The following ABHD16A variants were observed in gnomAD, a reference collection of about 807,000 sequenced individuals.
ABHD16A encodes the protein phosphatidylserine lipase ABHD16A.
ABHD16A carries 47 observed loss-of-function variants against 89.8 expected under a neutral mutation model. The observed-to-expected ratio is 0.52, with a 90% CI of 0.41 to 0.67. The LOEUF is 0.67. Ranked by LOEUF, ABHD16A falls within the 30% of genes least tolerant of loss-of-function variation. The probability of loss-of-function intolerance (pLI) is 0.00; values close to 1 mark genes in which losing one functional copy is unlikely to be tolerated. For missense variants in ABHD16A, 580 were observed against 734.6 expected (o/e 0.79, Z 2.43); for synonymous variants, 251 against 280.4 (o/e 0.90, Z 1.05).
chr6:31,689,969 G>T (rs559550140), intron 11 of ABHD16A, 109 bp downstream of exon 11: 3 of 1,302,260 alleles, frequency 2.3e-6, no homozygotes, highest in African/African-American at 3.0e-5. Flanking sequence ...GCCCTCAGGT[G>T]AGTGGGACGC....
intron 5 of ABHD16A, 97 bp downstream of exon 5, chr6:31,696,851 C>G (rs1287971429): frequency 8.1e-7 from 1 of 1,227,926 alleles, no homozygotes; most frequent in African/African-American, 1.5e-5. Flanking sequence ...TAAAACACAC[C>G]TCCTCTTCCT....
chr6:31,693,249 T>A lies in ABHD16A; in HGVS notation c.504-100A>T. On this transcript the variant is annotated intron_variant, in intron 6 of 19. Transcript: ENST00000395952. This position sits in a 1 kb window ranked among gnomAD's most constrained non-coding sequence, Gnocchi z 5.0. Reference sequence around the variant, plus strand: ...GGGGTCTAGGAACGACATAATGGCATTGGAAGGCAGGCACTGTGACCTGAG... The same window carrying A: ...GGGGTCTAGGAACGACATAATGGCAATGGAAGGCAGGCACTGTGACCTGAG... The A allele has an allele frequency of 1.3e-6, 2 of 1,586,408 alleles. No homozygotes were observed. Among genetic ancestry groups the A allele is most frequent in the Non-Finnish European group, 1.7e-6 (2 of 1,160,782 alleles).
intron 5 of ABHD16A, among the ~76,000 whole-genome samples, chr6:31,695,592 G>A (rs896041964): frequency 6.6e-6 from 1 of 151,498 alleles, no homozygotes; most frequent in African/African-American, 2.4e-5. Context: ...GCGTGGTGGC[G>A]CATGCCTGTA....
Position 31,687,601 on chromosome 6 carries a change from A to T in ABHD16A, c.1546+41T>A, listed in dbSNP as rs372698997. 36 of 1,612,656 alleles carry T rather than the reference A, an allele frequency of 2.2e-5. No homozygotes were observed. Among genetic ancestry groups the T allele is most frequent in the Non-Finnish European group, 3.1e-5 (36 of 1,179,940 alleles). On this transcript the variant is annotated intron_variant, in intron 18 of 19. Coordinates refer to ENST00000395952, the MANE Select transcript of ABHD16A (RefSeq NM_021160.3). The surrounding 1 kb of genome is among the most constrained non-coding windows in gnomAD (Gnocchi z 6.3). ...ACATCTGGGTATTCATCCCCTTCCT[A>T]GGCCCTTCCCACCCTCTCTCCTGCC...
At chr6:31,692,776 G>T in intron 7 of ABHD16A, 1 of 161,278 alleles carries the variant, frequency 6.2e-6, no homozygotes, top group Non-Finnish European at 1.2e-5. Context: ...CTCCTTTTCA[G>T]CCTCACTGAA....
Position 31,690,741 on chromosome 6 carries a change from A to G in ABHD16A, c.844-139T>C, listed in dbSNP as rs1803796031. The G allele has an allele frequency of 3.8e-5, 28 of 734,718 alleles. No individual in the cohort carries two copies. The South Asian group carries it at 3.9e-4, about 10-fold the overall frequency. 45.5% of individuals were successfully genotyped at this position (734,718 alleles called of 1,614,324 possible). A position where few individuals can be genotyped will look rare whatever the true frequency, so the allele number is the denominator to read the frequency against. On this transcript the variant is annotated intron_variant, in intron 9 of 19. Transcript: ENST00000395952. The surrounding 1 kb of genome is among the most constrained non-coding windows in gnomAD (Gnocchi z 4.1). ...TTCTGTTTTCTCCAAGGGGAATGGA[A>G]GCTTCTCATTCCACAGGGTCCATAA... is the stretch of plus-strand genomic sequence containing the variant.
Position 31,690,713 on chromosome 6 carries a change from G to A in ABHD16A, c.844-111C>T, listed in dbSNP as rs1803793661. On this transcript the variant is annotated intron_variant, in intron 9 of 19. Coordinates refer to ENST00000395952, the MANE Select transcript of ABHD16A (RefSeq NM_021160.3). The surrounding 1 kb of genome is among the most constrained non-coding windows in gnomAD (Gnocchi z 4.1). ...GCTTTGCAGGGAAGAGGAAAGGGCAGGTTTCTGTTTTCTCCAAGGGGAATG... is the reference window on the plus strand; with the variant it reads ...GCTTTGCAGGGAAGAGGAAAGGGCAAGTTTCTGTTTTCTCCAAGGGGAATG... 1.0e-6 allele frequency: 1 copy of A among 952,712 alleles called. No individual in the cohort carries two copies. Among genetic ancestry groups the A allele is most frequent in the Non-Finnish European group, 1.7e-6 (1 of 597,660 alleles). The allele number at this position is 952,712 out of a possible 1,614,324, so 59.0% of individuals were successfully genotyped here. A position where few individuals can be genotyped will look rare whatever the true frequency, so the allele number is the denominator to read the frequency against.
Position 31,703,178 on chromosome 6 carries a change from G to A in ABHD16A, c.104C>T (p.Ala35Val). The change falls in exon 1 of 20, where the codon GCA becomes GTA. Residue 35 changes from alanine to valine, a missense_variant. Physicochemically the swap from Ala to Val is moderately conservative, Grantham distance 64. Coordinates refer to ENST00000395952, the MANE Select transcript of ABHD16A (RefSeq NM_021160.3). ...APASVPETPTAVTAPHSSSWD... is the reference protein window; with the variant it reads ...APASVPETPTVVTAPHSSSWD... ...GGAGCTGGAATGGGGGGCAGTGACTGCCGTTGGCGTCTCAGGGACGCTGGC... is the reference window on the plus strand; with the variant it reads ...GGAGCTGGAATGGGGGGCAGTGACTACCGTTGGCGTCTCAGGGACGCTGGC... The A allele has an allele frequency of 7.0e-7, 1 of 1,437,102 alleles. No homozygotes were observed. The highest frequency in any genetic ancestry group is 1.5e-5 in the South Asian group (1 of 66,064). 89.0% of individuals were successfully genotyped at this position (1,437,102 alleles called of 1,614,324 possible). A position where few individuals can be genotyped will look rare whatever the true frequency, so the allele number is the denominator to read the frequency against.
At position 31,693,016 on chromosome 6, in the gene ABHD16A, C is replaced by A. The variant is rs1262873636; in HGVS notation, c.626+11G>T. On this transcript the variant is annotated intron_variant, in intron 7 of 19. Transcript: ENST00000395952. The surrounding 1 kb of genome is among the most constrained non-coding windows in gnomAD (Gnocchi z 5.0). The stretch of plus-strand genomic sequence containing the variant: ...CACCCCAGTGGGCCTCTCCTCGCTG[C>A]TGTTTCCCACCTGGTGATCTGACAA... The A allele has an allele frequency of 1.2e-6, 2 of 1,614,222 alleles. No homozygotes were observed. Among genetic ancestry groups the A allele is most frequent in the Admixed American group, 1.7e-5 (1 of 60,022 alleles).
chr6:31,696,621 G>A (rs1248231608), intron 5 of ABHD16A, among the ~76,000 whole-genome samples: 2 of 146,860 alleles, frequency 1.4e-5, no homozygotes, highest in East Asian at 2.0e-4. Flanking sequence ...CAACAAGAGC[G>A]AAACTCCATC....
rs753484381 is a variant in ABHD16A, at chr6:31,689,701, C to A, written c.961G>T (p.Val321Leu). 3.7e-6 allele frequency: 6 copies of A among 1,609,240 alleles called. No individual in the cohort carries two copies. Among genetic ancestry groups the A allele is most frequent in the South Asian group, 1.1e-5 (1 of 90,572 alleles). ...TTAGCCTCATTCTGCGGGAATGGCACCCCCTGCAGGAGAAAGGGCAAAGTC... is the reference window on the plus strand; with the variant it reads ...TTAGCCTCATTCTGCGGGAATGGCAACCCCTGCAGGAGAAAGGGCAAAGTC... ...NHPGFAGSTGVPFPQNEANAM... is the reference protein window; with the variant it reads ...NHPGFAGSTGLPFPQNEANAM... The change falls in exon 12 of 20, where the codon GTG (valine) becomes TTG (leucine). Residue 321 changes from valine (V) to leucine (L), a missense_variant. Transcript: ENST00000395952.
rs775502904 is a variant in ABHD16A, at chr6:31,687,935, T to C, written c.1371-35A>G. On this transcript the variant is annotated intron_variant, in intron 16 of 19. Transcript: ENST00000395952. The surrounding 1 kb of genome is among the most constrained non-coding windows in gnomAD (Gnocchi z 6.3). ...AAGTGCCAGGACAGGTCAGGGCTGA[T>C]TTTTTTTCATTCACCATCCCTGAAC... 4.2e-5 allele frequency: 67 copies of C among 1,612,170 alleles called. No individual in the cohort carries two copies. Among genetic ancestry groups the C allele is most frequent in the Non-Finnish European group, 5.3e-5 (62 of 1,179,758 alleles).
chr6:31,700,654 C>T (rs556776337), intron 4 of ABHD16A, among the ~76,000 whole-genome samples: 105 of 151,592 alleles, frequency 6.9e-4, no homozygotes, highest in African/African-American at 2.5e-3. Context: ...CCCAGTACTT[C>T]GGGAGGCTGA....
rs1239978889 is a variant in ABHD16A, at chr6:31,698,225, T to A, written c.344-1192A>T. Among the ~76,000 whole-genome samples the A allele has an allele frequency of 6.6e-6, 1 of 151,118 alleles. No homozygotes were observed. Among genetic ancestry groups the A allele is most frequent in the Non-Finnish European group, 1.5e-5 (1 of 67,880 alleles). Reference sequence around the variant, plus strand: ...GCAGCTTAGACTTGAGGAACTGAGGTATATGTTTCATAAAAGTATGTGCCA... The same window carrying A: ...GCAGCTTAGACTTGAGGAACTGAGGAATATGTTTCATAAAAGTATGTGCCA... On this transcript the variant is annotated intron_variant, in intron 4 of 19. Transcript: ENST00000395952. This position sits in a 1 kb window ranked among gnomAD's most constrained non-coding sequence, Gnocchi z 4.1.
chr6:31,687,011 G>A lies in ABHD16A; in HGVS notation c.*201C>T. On this transcript the variant is annotated 3_prime_UTR_variant, in exon 20 of 20. Coordinates refer to ENST00000395952, the MANE Select transcript of ABHD16A (RefSeq NM_021160.3). This position sits in a 1 kb window ranked among gnomAD's most constrained non-coding sequence, Gnocchi z 6.3. The stretch of plus-strand genomic sequence containing the variant: ...ATTAGGAATAATCCATTCATGTAAT[G>A]CAGGATGTATGTTGGAGAAGGTTAA... 1 of 590,640 alleles carries A rather than the reference G, an allele frequency of 1.7e-6. No homozygotes were observed. The highest frequency in any genetic ancestry group is 3.0e-6 in the Non-Finnish European group (1 of 328,828). 36.6% of individuals were successfully genotyped at this position (590,640 alleles called of 1,614,324 possible). A position where few individuals can be genotyped will look rare whatever the true frequency, so the allele number is the denominator to read the frequency against.
At chr6:31,694,214 C>T (rs1252358096) in intron 5 of ABHD16A, among the ~76,000 whole-genome samples, 1 of 151,914 alleles carries the variant, frequency 6.6e-6, no homozygotes, top group Non-Finnish European at 1.5e-5. Flanking sequence ...TGCTACCATG[C>T]CCAGCTAATT....
intron 2 of ABHD16A, 43 bp from the exon 3 acceptor site, chr6:31,701,383 AC>A: frequency 1.3e-6 from 2 of 1,483,598 alleles, no homozygotes; most frequent in Non-Finnish European, 1.9e-6. Flanking sequence ...ACACACACAC[AC>A]ACACACCTGC....
rs761621817 is a variant in ABHD16A at position 31,691,786 on chromosome 6, C to T, written c.741+18G>A. On this transcript the variant is annotated intron_variant, in intron 8 of 19. Transcript: ENST00000395952. ...AGAGGGGAGGGCTTTAGGGGATGTGCGGGCAGGGAAGCCTCACCTCTTCCA... is the reference window on the plus strand; with the variant it reads ...AGAGGGGAGGGCTTTAGGGGATGTGTGGGCAGGGAAGCCTCACCTCTTCCA... 36 of 1,599,068 alleles carry T rather than the reference C, an allele frequency of 2.3e-5. No homozygotes were observed. Among genetic ancestry groups the T allele is most frequent in the Middle Eastern group, 2.0e-4 (1 of 5,012 alleles).
intron 2 of ABHD16A, 26 bp downstream of exon 2, chr6:31,702,048 A>G (rs1410142500): frequency 6.2e-7 from 1 of 1,612,806 alleles, no homozygotes; most frequent in Non-Finnish European, 8.5e-7. Context: ...AAAGATGCAG[A>G]GTCCCAGATG....
Sources: gnomAD v4.1 joint callset for allele counts (sites outside exome capture counted in the v4.1 genomes callset) on GRCh38, gnomAD v4.1.1 for gene constraint, Gnocchi (gnomAD v3.1) non-coding constraint, MANE v1.5 for transcripts, NCBI Gene and HGNC (gene_info 2026-07-23, HGNC 2026-07-21) for gene names.